RPTOR: variants seen among roughly 807,000 people sequenced by gnomAD.
RPTOR encodes the protein regulatory-associated protein of mTOR.
In RPTOR, 21 loss-of-function variants were observed where a neutral mutation model predicts 169.9. The ratio of observed to expected loss-of-function variants is 0.12; its 90% confidence interval spans 0.09 to 0.18. The LOEUF is 0.18. RPTOR is among the 10% of genes least tolerant of loss of function. The pLI is 1.00. For missense variants in RPTOR, 1,133 were observed against 1,855.9 expected (o/e 0.61, Z 7.16); for synonymous variants, 732 against 753.2 (o/e 0.97, Z 0.46).
intron 17 of RPTOR, among the ~76,000 whole-genome samples, chr17:80,890,518 C>G (rs1248592525): frequency 6.6e-6 from 1 of 151,338 alleles, no homozygotes; most frequent in South Asian, 2.1e-4. Flanking sequence ...TGGGCCATGG[C>G]CCTTGGTGCC....
intron 7 of RPTOR, among the ~76,000 whole-genome samples, chr17:80,800,474 G>A (rs2067146087): frequency 6.6e-6 from 1 of 152,186 alleles, no homozygotes; most frequent in Admixed American, 6.5e-5. Context: ...CGGGCAGTTT[G>A]TGCATAATTA....
chr17:80,656,415 C>G (rs879444609), intron 3 of RPTOR, among the ~76,000 whole-genome samples: 2 of 152,164 alleles, frequency 1.3e-5, no homozygotes, highest in Admixed American at 6.5e-5. Context: ...GAATCTAACT[C>G]CAGAATAAAA....
At chr17:80,857,380 ATGCCGTCACGGAGAGGTGGCCG>A (rs1204250513) in intron 12 of RPTOR, among the ~76,000 whole-genome samples, 2 of 150,828 alleles carry the variant, frequency 1.3e-5, no homozygotes, top group South Asian at 4.2e-4. Flanking sequence ...AGAGGTGGCC[ATGCCGTCACGGAGAGGTGGCCG>A]TGCCGTCACA....
chr17:80,898,855 G>A (rs1390816518), intron 20 of RPTOR, among the ~76,000 whole-genome samples: 3 of 151,918 alleles, frequency 2.0e-5, no homozygotes, highest in Admixed American at 6.6e-5. Flanking sequence ...TGGGGATGGC[G>A]GTCCAGCCAC....
intron 5 of RPTOR, among the ~76,000 whole-genome samples, chr17:80,738,739 C>T (rs924908388): frequency 2.0e-5 from 3 of 152,188 alleles, no homozygotes; most frequent in East Asian, 1.9e-4. Context: ...GAATGCCTCA[C>T]GTTAAATTGA....
chr17:80,694,703 A>G (rs2143751612), intron 3 of RPTOR, among the ~76,000 whole-genome samples: 1 of 151,988 alleles, frequency 6.6e-6, no homozygotes, highest in South Asian at 2.1e-4. Context: ...TCCCGAGGAG[A>G]TGTGGTATTG....
intron 25 of RPTOR, chr17:80,942,042 C>T (rs947406901): frequency 2.0e-5 from 3 of 152,240 alleles, no homozygotes; most frequent in Non-Finnish European, 4.4e-5. Context: ...TTTAAAGCAT[C>T]GCATGTTGCA....
At chr17:80,636,342 A>G (rs1364775347) in intron 2 of RPTOR, among the ~76,000 whole-genome samples, 3 of 152,178 alleles carry the variant, frequency 2.0e-5, no homozygotes, top group East Asian at 1.9e-4. Flanking sequence ...CCCCTGCAAC[A>G]CTGTCTTAGT....
intron 1 of RPTOR, among the ~76,000 whole-genome samples, chr17:80,601,563 T>TTGGTGGGGGGGAG (rs2065188013): frequency 3.0e-5 from 1 of 33,282 alleles, no homozygotes; most frequent in African/African-American, 2.3e-4. Context: ...GTCTTTTTTT[T>TTGGTGGGGGGGAG]TTTTTTTTTA....
At chr17:80,953,650 G>A (rs1371568775) in intron 28 of RPTOR, among the ~76,000 whole-genome samples, 1 of 152,238 alleles carries the variant, frequency 6.6e-6, no homozygotes, top group Non-Finnish European at 1.5e-5. Context: ...TCACCCAGAC[G>A]CCACTTCCCA....
At position 80,568,991 on chromosome 17, in the gene RPTOR, C is replaced by T. The variant is rs534824214; in HGVS notation, c.162+23200C>T. Among the ~76,000 whole-genome samples the T allele has an allele frequency of 1.1e-3, 167 of 152,218 alleles. 3 individuals carry two copies. The South Asian group carries it at 0.032, about 29-fold the overall frequency. ...TACCATGCTCTTAAGCCAACTCATC[C>T]GATGTATTTCAAAATTTCAGATGCT... On this transcript the variant is annotated intron_variant, in intron 1 of 33. Transcript: ENST00000306801.
intron 5 of RPTOR, among the ~76,000 whole-genome samples, chr17:80,739,709 C>T (rs758242058): frequency 4.0e-5 from 6 of 151,472 alleles, no homozygotes; most frequent in Admixed American, 6.6e-5. Flanking sequence ...AATAATGGGT[C>T]AGAAGCCTCA....
chr17:80,595,668 G>A (rs2065139436), intron 1 of RPTOR, among the ~76,000 whole-genome samples: 1 of 152,268 alleles, frequency 6.6e-6, no homozygotes, highest in East Asian at 1.9e-4. Context: ...TGTTGCCCAG[G>A]CTGGTCTCAA....
chr17:80,795,532 T>C (rs1315128108), intron 7 of RPTOR, among the ~76,000 whole-genome samples: 1 of 152,116 alleles, frequency 6.6e-6, no homozygotes, highest in Non-Finnish European at 1.5e-5. Flanking sequence ...TGCCAAGTGA[T>C]GCTATGAAGG....
chr17:80,853,964 G>A (rs1598354651), intron 11 of RPTOR, among the ~76,000 whole-genome samples: 1 of 151,174 alleles, frequency 6.6e-6, no homozygotes, highest in African/African-American at 2.4e-5. Context: ...CTGGGCGACC[G>A]AGTGAGACTC....
At chr17:80,647,545 T>C (rs1015934658) in intron 3 of RPTOR, among the ~76,000 whole-genome samples, 8 of 151,876 alleles carry the variant, frequency 5.3e-5, no homozygotes, top group Non-Finnish European at 1.0e-4. Flanking sequence ...CCAGAGAGAG[T>C]GGACAACACC....
At chr17:80,655,465 T>C (rs565511724) in intron 3 of RPTOR, among the ~76,000 whole-genome samples, 1 of 66,378 alleles carries the variant, frequency 1.5e-5, no homozygotes, top group African/African-American at 1.0e-4. Flanking sequence ...AGTTCAGTGA[T>C]GCAGTCAGCT....
intron 2 of RPTOR, among the ~76,000 whole-genome samples, chr17:80,635,873 G>A (rs1024859024): frequency 6.6e-6 from 1 of 152,120 alleles, no homozygotes; most frequent in Non-Finnish European, 1.5e-5. Context: ...GGGTACTAGT[G>A]TTGGGGCTGG....
intron 20 of RPTOR, among the ~76,000 whole-genome samples, chr17:80,901,150 A>T (rs1010012693): frequency 4.0e-5 from 6 of 151,818 alleles, no homozygotes; most frequent in Admixed American, 2.6e-4. Context: ...CTTGTCTGTG[A>T]TGAGTGAATG....
Sources: allele counts gnomAD v4.1 joint callset (sites outside exome capture counted in the v4.1 genomes callset), GRCh38; gene constraint gnomAD v4.1.1; transcripts MANE v1.5; gene names NCBI Gene and HGNC (gene_info 2026-07-23, HGNC 2026-07-21).